ZNF765: variants seen among roughly 807,000 people sequenced by gnomAD.
ZNF765 encodes zinc finger protein 765.
ZNF765 carries 37 observed loss-of-function variants against 44.7 expected under a neutral mutation model. The ratio of observed to expected loss-of-function variants is 0.83; its 90% CI spans 0.64 to 1.09. The LOEUF (loss-of-function observed/expected upper bound fraction) is 1.09. ZNF765 is among the 50% of genes least tolerant of loss of function. The probability of loss-of-function intolerance (pLI) is 0.00; values close to 1 mark genes in which losing one functional copy is unlikely to be tolerated. For synonymous variants in ZNF765, 201 were observed against 213.7 expected (o/e 0.94, Z 0.52); for missense variants, 594 against 626.1 (o/e 0.95, Z 0.55).
intron 1 of ZNF765, among the ~76,000 whole-genome samples, chr19:53,396,635 C>T (rs950849034): frequency 1.7e-4 from 26 of 152,100 alleles, no homozygotes; most frequent in Non-Finnish European, 1.6e-4. Context: ...GAGCTCATTC[C>T]TTTGGCTTCA....
chr19:53,412,573 GAC>G (rs2085841923), downstream of ZNF765, among the ~76,000 whole-genome samples: 1 of 152,120 alleles, frequency 6.6e-6, no homozygotes, highest in Non-Finnish European at 1.5e-5. Context: ...AGAAGGATAA[GAC>G]ATAAGTTTGA....
chr19:53,398,097 G>A (rs62117276), intron 2 of ZNF765, 67 bp downstream of exon 2: 251,135 of 1,612,204 alleles, frequency 0.16, 20,474 homozygotes, highest in East Asian at 0.23. Flanking sequence ...TTGGAGTTTG[G>A]AATCTTCTCT....
chr19:53,411,105 A>G lies in ZNF765; in HGVS notation c.*1978A>G. On this transcript the variant is annotated 3_prime_UTR_variant, in exon 4 of 4. Transcript: ENST00000396408. ...GACTTAACATTGAGTTGAAGCCTTA[A>G]TTGACATTAAAGTGTTTATGTTAAG... 4.0e-6 allele frequency: 1 copy of G among 251,070 alleles called. No homozygotes were observed. Among genetic ancestry groups the G allele is most frequent in the East Asian group, 1.2e-4 (1 of 8,646 alleles). 15.6% of individuals were successfully genotyped at this position (251,070 alleles called of 1,614,324 possible). A position where few individuals can be genotyped will look rare whatever the true frequency, so the allele number is the denominator to read the frequency against.
intron 3 of ZNF765, among the ~76,000 whole-genome samples, chr19:53,406,177 C>T (rs1313591557): frequency 2.0e-5 from 3 of 150,480 alleles, no homozygotes; most frequent in Admixed American, 6.7e-5. Flanking sequence ...TACAGGCAGC[C>T]ACCACCATGC....
chr19:53,401,775 C>G (rs1600051033), intron 2 of ZNF765, among the ~76,000 whole-genome samples: 1 of 151,668 alleles, frequency 6.6e-6, no homozygotes, highest in African/African-American at 2.4e-5. Flanking sequence ...ATTCAGGAGG[C>G]TAAGGCAGGA....
At position 53,418,995 on chromosome 19, in the gene ZNF765, A is replaced by C. The variant is rs147652860; in HGVS notation, c.143-4067A>C. Among the ~76,000 whole-genome samples, 24 of 151,994 alleles carry C rather than the reference A, an allele frequency of 1.6e-4. No homozygotes were observed. The East Asian group carries it at 4.6e-3, about 29-fold the overall frequency. On this transcript the variant is annotated intron_variant, in intron 3 of 3. Coordinates refer to the ZNF765 transcript ENST00000594030. ...GGGGTTTGAAACTAGTTTAATGTCAAAGCCACACAGGAAGGAGGAATAATT... is the reference window on the plus strand; with the variant it reads ...GGGGTTTGAAACTAGTTTAATGTCACAGCCACACAGGAAGGAGGAATAATT...
chr19:53,426,829 A>G (rs2464897), exon 4 of ZNF765: 25,884 of 145,586 alleles, frequency 0.18, 1,402 homozygotes, highest in African/African-American at 0.24. Context: ...TGCCAAAAAC[A>G]CTGGGAACCG....
intron 3 of ZNF765, among the ~76,000 whole-genome samples, chr19:53,405,665 A>T (rs4803104): frequency 6.8e-6 from 1 of 147,718 alleles, no homozygotes; most frequent in Non-Finnish European, 1.5e-5. Flanking sequence ...GTCAACACCC[A>T]TGACCAAATT....
In ZNF765 at chr19:53,409,652, C is replaced by T. The variant is rs1416145433; in HGVS notation, c.*525C>T. The T allele has an allele frequency of 1.6e-5, 21 of 1,283,170 alleles. No homozygotes were observed. Among genetic ancestry groups the T allele is most frequent in the East Asian group, 2.3e-5 (1 of 42,624 alleles). 79.5% of individuals were successfully genotyped at this position (1,283,170 alleles called of 1,614,324 possible). On this transcript the variant is annotated 3_prime_UTR_variant, in exon 4 of 4. Coordinates refer to ENST00000396408, the MANE Select transcript of ZNF765 (RefSeq NM_001040185.3). ...AGTGTGGCAAGACCTTTAGTCAGAA[C>T]TCATACCTTACACGCCATCGTAGAC...
chr19:53,422,310 C>T (rs939435800), intron 3 of ZNF765, among the ~76,000 whole-genome samples: 4 of 152,176 alleles, frequency 2.6e-5, no homozygotes, highest in Admixed American at 6.5e-5. Context: ...CCCCATTCTA[C>T]CCCAAACATG....
Position 53,397,777 on chromosome 19 carries a change from G to A in ZNF765, c.-73-166G>A, listed in dbSNP as rs539954170. Among the ~76,000 whole-genome samples, 9 of 152,138 alleles carry A rather than the reference G, an allele frequency of 5.9e-5. No homozygotes were observed. The East Asian group carries it at 1.2e-3, about 20-fold the overall frequency. On this transcript the variant is annotated intron_variant, in intron 1 of 3. Transcript: ENST00000396408. ...CTGCAGCGTGTGTGTGGGCTTCTCC[G>A]GGAGGGGAGTGGGAGTTTTCCTGTA...
chr19:53,401,320 T>C lies in ZNF765; in HGVS notation c.16-745T>C, dbSNP rs1240480242. 2.0e-5 allele frequency among the ~76,000 whole-genome samples: 3 copies of C among 152,092 alleles called. No individual in the cohort carries two copies. The East Asian group carries it at 5.8e-4, about 29-fold the overall frequency. The stretch of plus-strand genomic sequence containing the variant: ...GTCTGACGCCTGTAATCCCAGCACT[T>C]TGGGAGGCCGAGGTGGGCGGATCAC... On this transcript the variant is annotated intron_variant, in intron 2 of 3. Transcript: ENST00000396408.
chr19:53,397,702 C>G (rs1446331886), intron 1 of ZNF765, among the ~76,000 whole-genome samples: 1 of 151,922 alleles, frequency 6.6e-6, no homozygotes, highest in Non-Finnish European at 1.5e-5. Flanking sequence ...TTTGGTCAGG[C>G]CTGGGTCTGT....
chr19:53,410,491 T>G lies in ZNF765; in HGVS notation c.*1364T>G, dbSNP rs2085823641. 1 of 384,528 alleles carries G rather than the reference T, an allele frequency of 2.6e-6. No homozygotes were observed. The highest frequency in any genetic ancestry group is 5.2e-6 in the Non-Finnish European group (1 of 191,210). The allele number at this position is 384,528 out of a possible 1,614,324, so 23.8% of individuals were successfully genotyped here. A position where few individuals can be genotyped will look rare whatever the true frequency, so the allele number is the denominator to read the frequency against. ...TGGCACAACATCCTAGAATTCACATTGGAGAGAAAGCTTACAAGTATAATG... is the reference window on the plus strand; with the variant it reads ...TGGCACAACATCCTAGAATTCACATGGGAGAGAAAGCTTACAAGTATAATG... On this transcript the variant is annotated 3_prime_UTR_variant, in exon 4 of 4. Transcript: ENST00000396408.
chr19:53,405,861 GTT>G (rs1398451382), intron 3 of ZNF765, among the ~76,000 whole-genome samples: 1 of 123,252 alleles, frequency 8.1e-6, no homozygotes, highest in Non-Finnish European at 1.7e-5. Flanking sequence ...CACATTCTAT[GTT>G]TTATATTTTG....
rs114899465 is a variant in ZNF765, at chr19:53,399,856, C to T, written c.15+1826C>T. ...TGAGACTGAGTTTTGCTCTTTTTGT[C>T]CAGGCTGGAGCATAATGGCATGATC... On this transcript the variant is annotated intron_variant, in intron 2 of 3. Transcript: ENST00000396408. Among the ~76,000 whole-genome samples, 512 of 152,010 alleles carry T rather than the reference C, an allele frequency of 3.4e-3. 1 individual carries two copies. The highest frequency in any genetic ancestry group is 0.012 in the African/African-American group (487 of 41,496).
chr19:53,407,713 G>A lies in ZNF765; in HGVS notation c.158G>A (p.Cys53Tyr), dbSNP rs534296734. ...NLVSLDISSK[C>Y]MMKEFSSTAQ... Reference sequence around the variant, plus strand: ...TACTTTTTAGATATCTCTTCCAAATGCATGATGAAGGAGTTCTCGTCAACA... The same window carrying A: ...TACTTTTTAGATATCTCTTCCAAATACATGATGAAGGAGTTCTCGTCAACA... Residue 53 changes from cysteine to tyrosine, a missense_variant, in exon 4 of 4, where the codon TGC becomes TAC. By Grantham distance (194) the Cys-to-Tyr change is radical. This residue lies in a region of ZNF765 where 567 missense variants were observed against 572.6 expected (regional missense o/e 0.99). Coordinates refer to ENST00000396408, the MANE Select transcript of ZNF765 (RefSeq NM_001040185.3). 1.6e-5 allele frequency: 25 copies of A among 1,551,696 alleles called. No individual in the cohort carries two copies. Among genetic ancestry groups the A allele is most frequent in the Non-Finnish European group, 2.2e-5 (25 of 1,151,982 alleles).
chr19:53,413,110 CAAAA>C (rs964001866), downstream of ZNF765: 6 of 317,932 alleles, frequency 1.9e-5, no homozygotes, highest in Admixed American at 5.0e-5. Flanking sequence ...AACTTTGTCT[CAAAA>C]AGAAAAAAAA....
At chr19:53,415,957 T>G (rs112202768), downstream of ZNF765, among the ~76,000 whole-genome samples, 438 of 151,612 alleles carry the variant, frequency 2.9e-3, 6 homozygotes, top group African/African-American at 9.5e-3. Flanking sequence ...TGTTTTGTTT[T>G]TTGTTTTTTG....
Sources: allele counts gnomAD v4.1 joint callset (sites outside exome capture counted in the v4.1 genomes callset), GRCh38; gene constraint gnomAD v4.1.1; regional missense constraint gnomAD v4.1.1; transcripts MANE v1.5; gene names NCBI Gene and HGNC (gene_info 2026-07-23, HGNC 2026-07-21).